CCNC: variants seen among roughly 807,000 people sequenced by gnomAD.
CCNC encodes cyclin C, also known as cyclin-C.
In CCNC, 19 loss-of-function variants were observed where a neutral mutation model predicts 50.0. That is an observed-to-expected ratio of 0.38 (90% CI 0.27 to 0.56). CCNC has a LOEUF of 0.56. Among genes scored for constraint, CCNC ranks in the 20% least tolerant of loss-of-function variants. The pLI is 0.72. For missense variants in CCNC, 200 were observed against 327.1 expected, an observed-to-expected ratio of 0.61 and a Z score of 3.00; for synonymous variants, 93 against 103.7, an observed-to-expected ratio of 0.90 and a Z score of 0.63.
At chr6:99,554,668 T>C (rs1160131465) in intron 5 of CCNC, among the ~76,000 whole-genome samples, 1 of 152,234 alleles carries the variant, frequency 6.6e-6, no homozygotes, top group Non-Finnish European at 1.5e-5. Flanking sequence ...CGTTTTTGTT[T>C]TTCTTGTTTG....
chr6:99,564,459 T>C (rs2114415454), intron 1 of CCNC, among the ~76,000 whole-genome samples: 1 of 151,868 alleles, frequency 6.6e-6, no homozygotes, highest in African/African-American at 2.4e-5. Flanking sequence ...TATGGGTTAC[T>C]GCCACTTTTA....
In CCNC at chr6:99,568,541, C is replaced by G. The variant is rs186159378; in HGVS notation, c.-14G>C. On this transcript the variant is annotated 5_prime_UTR_variant, in exon 1 of 12. Transcript: ENST00000520429. ...GTTCCCTGCCATGGAACACAGCTTG[C>G]CCTGATAAAAAAGCACCAGCCGGCG... 2,440 of 1,611,516 alleles carry G rather than the reference C, an allele frequency of 1.5e-3. 43 individuals are homozygous for G. In the Admixed American group the frequency reaches 0.032, roughly 21 times the overall value.
rs775083540 is a variant in CCNC, at chr6:99,550,318, A to G, written c.439-9T>C. The G allele has an allele frequency of 3.8e-6, 6 of 1,587,816 alleles. No homozygotes were observed. The highest frequency in any genetic ancestry group is 5.2e-6 in the Non-Finnish European group (6 of 1,164,266). The stretch of plus-strand genomic sequence containing the variant: ...ACTATCAAGCAACAATCCTAGAAAC[A>G]GTTTAAAAAATGTGTATGTATAAAA... On this transcript the variant is annotated splice_polypyrimidine_tract_variant and intron_variant, in intron 7 of 11. Coordinates refer to ENST00000520429, the MANE Select transcript of CCNC (RefSeq NM_005190.4).
At chr6:99,550,337 T>G (rs1486269947) in intron 7 of CCNC, 28 bp from the exon 8 acceptor site, 2 of 1,473,956 alleles carry the variant, frequency 1.4e-6, no homozygotes, top group South Asian at 2.4e-5. Context: ...AATGTGTATG[T>G]ATAAAAAACA....
intron 1 of CCNC, among the ~76,000 whole-genome samples, chr6:99,566,438 G>A (rs535537135): frequency 2.6e-5 from 4 of 152,104 alleles, no homozygotes; most frequent in African/African-American, 9.6e-5. Flanking sequence ...GTAAGTAACT[G>A]TATTTTCAGT....
intron 11 of CCNC, among the ~76,000 whole-genome samples, chr6:99,544,700 G>T (rs2128866396): frequency 1.5e-5 from 2 of 136,884 alleles, no homozygotes; most frequent in African/African-American, 5.5e-5. Flanking sequence ...TGAAATTTTT[G>T]AAAATTGCTA....
chr6:99,563,034 T>C, intron 1 of CCNC, 86 bp from the exon 2 acceptor site: 1 of 826,198 alleles, frequency 1.2e-6, no homozygotes, highest in South Asian at 1.6e-5. Context: ...TTCTGAGAAG[T>C]ACAAAGTGCA....
chr6:99,549,384 A>C, intron 9 of CCNC, 124 bp downstream of exon 9: 1 of 720,576 alleles, frequency 1.4e-6, no homozygotes, highest in Non-Finnish European at 2.5e-6. Flanking sequence ...GCTCACATGC[A>C]AGGATTAGTC....
chr6:99,564,350 G>A (rs1327682256), intron 1 of CCNC, among the ~76,000 whole-genome samples: 4 of 151,220 alleles, frequency 2.6e-5, no homozygotes, highest in East Asian at 2.0e-4. Context: ...GCTTGAACCC[G>A]GGAGGTGGAA....
At chr6:99,553,323 C>A (rs1802380405) in intron 5 of CCNC, among the ~76,000 whole-genome samples, 2 of 152,226 alleles carry the variant, frequency 1.3e-5, no homozygotes, top group Admixed American at 6.5e-5. Context: ...AGACAATCAA[C>A]AAAGTAAAAT....
Position 99,543,428 on chromosome 6 carries a change from A to G in CCNC, c.*127T>C. The G allele has an allele frequency of 3.0e-6, 3 of 987,646 alleles. No individual in the cohort carries two copies. Among genetic ancestry groups the G allele is most frequent in the Non-Finnish European group, 4.5e-6 (3 of 663,020 alleles). The allele number at this position is 987,646 out of a possible 1,614,324, so 61.2% of individuals were successfully genotyped here. Reference sequence around the variant, plus strand: ...AGAAAAACTTATTTTGCAAAAATAAAATCACTTTCCAATATGCTTGACAGA... The same window carrying G: ...AGAAAAACTTATTTTGCAAAAATAAGATCACTTTCCAATATGCTTGACAGA... On this transcript the variant is annotated 3_prime_UTR_variant, in exon 12 of 12. Coordinates refer to ENST00000520429, the MANE Select transcript of CCNC (RefSeq NM_005190.4).
At chr6:99,550,349 A>G (rs369902121) in intron 7 of CCNC, 40 bp from the exon 8 acceptor site, 14 of 1,363,132 alleles carry the variant, frequency 1.0e-5, no homozygotes, top group Non-Finnish European at 1.3e-5. Context: ...TAAAAAACAG[A>G]TTTATTACAA....
chr6:99,558,346 G>A, intron 5 of CCNC, 151 bp downstream of exon 5: 2 of 1,149,016 alleles, frequency 1.7e-6, no homozygotes, highest in Non-Finnish European at 2.3e-6. Flanking sequence ...TGATTTTTTT[G>A]CCAGATACAC....
chr6:99,567,030 C>G (rs1429579073), intron 1 of CCNC: 7 of 420,146 alleles, frequency 1.7e-5, no homozygotes, highest in Non-Finnish European at 2.8e-5. Context: ...GTGGTCCCTT[C>G]TTTTAGGACT....
At chr6:99,552,067 G>A (rs578242060) in intron 5 of CCNC, among the ~76,000 whole-genome samples, 172 bp from the exon 6 acceptor site, 2 of 151,950 alleles carry the variant, frequency 1.3e-5, no homozygotes, top group African/African-American at 4.8e-5. Flanking sequence ...GGGAAAGACT[G>A]GGGGGCAGGA....
chr6:99,552,935 G>A lies in CCNC; in HGVS notation c.347-1040C>T, dbSNP rs1262685452. On this transcript the variant is annotated intron_variant, in intron 5 of 11. Coordinates refer to ENST00000520429, the MANE Select transcript of CCNC (RefSeq NM_005190.4). ...CATGCACCTGTAGTCCCGGCTACTC[G>A]GGAGGCCGAGGCAGGAGAATCCCTT... 2.6e-5 allele frequency among the ~76,000 whole-genome samples: 4 copies of A among 151,950 alleles called. No homozygotes were observed. The South Asian group carries it at 6.2e-4, about 24-fold the overall frequency.
intron 5 of CCNC, among the ~76,000 whole-genome samples, chr6:99,555,681 A>G (rs1312839848): frequency 2.0e-5 from 3 of 152,126 alleles, no homozygotes; most frequent in Non-Finnish European, 4.4e-5. Context: ...TTCTAAAGCA[A>G]TCCTCCTGCT....
At chr6:99,550,166 A>C in intron 8 of CCNC, 52 bp downstream of exon 8, 1 of 1,243,732 alleles carries the variant, frequency 8.0e-7, no homozygotes, top group Non-Finnish European at 1.2e-6. Flanking sequence ...TTAATTGTCA[A>C]CCTTCCTATC....
intron 11 of CCNC, chr6:99,544,147 G>T: frequency 6.7e-7 from 1 of 1,488,090 alleles, no homozygotes; most frequent in South Asian, 1.3e-5. Context: ...TAAAAATGCT[G>T]AATACTTAAA....
Sources: allele counts gnomAD v4.1 joint callset (sites outside exome capture counted in the v4.1 genomes callset), GRCh38; gene constraint gnomAD v4.1.1; transcripts MANE v1.5; gene names NCBI Gene and HGNC (gene_info 2026-07-23, HGNC 2026-07-21).